The following CDC14A variants were observed in gnomAD, a reference collection of about 807,000 sequenced individuals.
The protein encoded by CDC14A is dual specificity protein phosphatase CDC14A.
In CDC14A, 53 loss-of-function variants were observed where a neutral mutation model predicts 74.4. The observed-to-expected ratio is 0.71, with a 90% CI of 0.57 to 0.89. CDC14A has a LOEUF of 0.89. Ranked by LOEUF, CDC14A falls within the 40% of genes least tolerant of loss-of-function variation. The pLI, the probability that CDC14A is intolerant of heterozygous loss-of-function variation, is 0.00. For synonymous variants in CDC14A, 247 were observed against 258.4 expected, an observed-to-expected ratio of 0.96 and a Z score of 0.43; for missense variants, 646 against 713.7, an observed-to-expected ratio of 0.91 and a Z score of 1.08.
chr1:100,462,462 C>A, intron 8 of CDC14A, 189 bp from the exon 9 acceptor site: 2 of 571,342 alleles, frequency 3.5e-6, no homozygotes, highest in Non-Finnish European at 3.1e-6. Context: ...TTCTTTTTAA[C>A]CTCCTGTGGT....
intron 6 of CDC14A, 40 bp downstream of exon 6, chr1:100,440,038 T>TA: frequency 1.4e-6 from 2 of 1,415,360 alleles, no homozygotes; most frequent in Non-Finnish European, 2.0e-6. Context: ...CACAGTAGTT[T>TA]AAAAAAATAT....
At chr1:100,390,336 T>G (rs1210341137) in intron 3 of CDC14A, among the ~76,000 whole-genome samples, 1 of 152,204 alleles carries the variant, frequency 6.6e-6, no homozygotes, top group Admixed American at 6.5e-5. Flanking sequence ...AAAAATTGTG[T>G]TATATGAAAA....
At position 100,506,745 on chromosome 1, in the gene CDC14A, C is replaced by T. The variant is rs549378512; in HGVS notation, c.1755+7483C>T. ...TTCAATGTATTAGAGTTATGAATCA[C>T]CCTGGTTGTTCAGCTTAATTTTATA... On this transcript the variant is annotated intron_variant, in intron 15 of 15. Coordinates refer to ENST00000336454, the MANE Select transcript of CDC14A (RefSeq NM_003672.4). 2.0e-5 allele frequency among the ~76,000 whole-genome samples: 3 copies of T among 152,258 alleles called. No homozygotes were observed. In the South Asian group the frequency reaches 6.2e-4, roughly 32 times the overall value.
chr1:100,466,890 A>AAG lies in CDC14A; in HGVS notation c.839-1066_839-1065insAG, dbSNP rs1553190651. On this transcript the variant is annotated intron_variant, in intron 9 of 15. Coordinates refer to ENST00000336454, the MANE Select transcript of CDC14A (RefSeq NM_003672.4). The stretch of plus-strand genomic sequence containing the variant: ...GGTCTCCAAAAAAAAAAAAAAAAAA[A>AAG]GAAGGGTTAATGGGAAGGAAATGTC... Among the ~76,000 whole-genome samples the AAG allele has an allele frequency of 4.1e-3, 608 of 149,102 alleles. 7 individuals carry two copies. Among genetic ancestry groups the AAG allele is most frequent in the African/African-American group, 0.015 (581 of 39,374 alleles).
chr1:100,502,800 G>C (rs781089356), intron 15 of CDC14A, among the ~76,000 whole-genome samples: 15 of 152,068 alleles, frequency 9.9e-5, no homozygotes, highest in Non-Finnish European at 2.2e-4. Context: ...TCCGTATTTT[G>C]TTATTTCTTT....
chr1:100,352,825 TGCCTCCCTCG>T lies in CDC14A; in HGVS notation c.-126_-117del. Reference sequence around the variant, plus strand: ...AGCCGCCTCCGCCTTCGGCGCCTGCTGCCTCCCTCGGCCAGGCTTGTTGTTCGGGACTGTG... The same window carrying T: ...AGCCGCCTCCGCCTTCGGCGCCTGCTGCCAGGCTTGTTGTTCGGGACTGTG... On this transcript the variant is annotated 5_prime_UTR_variant, in exon 1 of 16. An upstream open reading frame in the 5' UTR gains an earlier in-frame stop. Transcript: ENST00000336454. The T allele has an allele frequency of 6.7e-7, 1 of 1,494,210 alleles. No homozygotes were observed. Among genetic ancestry groups the T allele is most frequent in the South Asian group, 1.3e-5 (1 of 76,796 alleles). The allele number at this position is 1,494,210 out of a possible 1,614,324, so 92.6% of individuals were successfully genotyped here.
At chr1:100,370,681 G>A (rs1654358802) in intron 2 of CDC14A, among the ~76,000 whole-genome samples, 1 of 152,082 alleles carries the variant, frequency 6.6e-6, no homozygotes, top group African/African-American at 2.4e-5. Flanking sequence ...GTCTGTTTTT[G>A]TACCAGTACC....
intron 15 of CDC14A, among the ~76,000 whole-genome samples, chr1:100,512,180 A>T (rs1179261395): frequency 1.3e-5 from 2 of 151,996 alleles, no homozygotes; most frequent in Admixed American, 1.3e-4. Flanking sequence ...CGACTCTCCT[A>T]GGAGCGCTGA....
intron 15 of CDC14A, among the ~76,000 whole-genome samples, chr1:100,517,522 T>C (rs1181089692): frequency 1.3e-5 from 2 of 152,242 alleles, no homozygotes; most frequent in Non-Finnish European, 2.9e-5. Context: ...TGTAACTCTC[T>C]ATCTTTTCCT....
At chr1:100,363,009 C>T (rs537369297) in intron 2 of CDC14A, 2 of 152,332 alleles carry the variant, frequency 1.3e-5, no homozygotes, top group South Asian at 2.1e-4. Context: ...TATAGTCTGG[C>T]TTGAGGAAGC....
At chr1:100,356,498 C>A (rs1651898547) in intron 2 of CDC14A, among the ~76,000 whole-genome samples, 1 of 151,806 alleles carries the variant, frequency 6.6e-6, no homozygotes, top group South Asian at 2.1e-4. Context: ...ATATCCTTCT[C>A]AAAAAATTAA....
chr1:100,493,184 A>T, intron 11 of CDC14A, among the ~76,000 whole-genome samples: 1 of 152,206 alleles, frequency 6.6e-6, no homozygotes, highest in East Asian at 1.9e-4. Context: ...TCCTAGTTGG[A>T]GGAACAAATA....
chr1:100,363,681 G>C (rs2100904704), intron 2 of CDC14A, among the ~76,000 whole-genome samples: 1 of 150,152 alleles, frequency 6.7e-6, no homozygotes, highest in South Asian at 2.1e-4. Context: ...TTCAAATTTG[G>C]TCCCCATGAT....
intron 3 of CDC14A, among the ~76,000 whole-genome samples, chr1:100,386,399 A>G (rs776271066): frequency 1.3e-5 from 2 of 152,178 alleles, no homozygotes; most frequent in African/African-American, 2.4e-5. Context: ...TATGGCATAC[A>G]GTGTTTTTGT....
intron 3 of CDC14A, among the ~76,000 whole-genome samples, chr1:100,387,815 C>A (rs904798203): frequency 4.6e-5 from 7 of 151,788 alleles, no homozygotes; most frequent in African/African-American, 1.5e-4. Context: ...CTTTAGAATG[C>A]GAGAGAGAAA....
chr1:100,455,373 T>G, intron 7 of CDC14A, 32 bp from the exon 8 acceptor site: 1 of 1,384,008 alleles, frequency 7.2e-7, no homozygotes, highest in Non-Finnish European at 1.0e-6. Flanking sequence ...TATAAAATAT[T>G]TTTCTTCTCT....
chr1:100,489,425 A>G (rs981346560), intron 11 of CDC14A, among the ~76,000 whole-genome samples: 2 of 152,110 alleles, frequency 1.3e-5, no homozygotes, highest in Admixed American at 6.5e-5. Flanking sequence ...AGCCTTTCCT[A>G]TAGCTTACTG....
intron 11 of CDC14A, among the ~76,000 whole-genome samples, chr1:100,491,922 C>T (rs1013468976): frequency 1.3e-5 from 2 of 150,440 alleles, no homozygotes; most frequent in Non-Finnish European, 3.0e-5. Flanking sequence ...TCGTCACCAC[C>T]GCAGCCACCC....
chr1:100,379,318 T>C (rs1189882104), intron 3 of CDC14A, among the ~76,000 whole-genome samples: 2 of 152,218 alleles, frequency 1.3e-5, no homozygotes, highest in Non-Finnish European at 2.9e-5. Flanking sequence ...GTTTCGACAT[T>C]ATTAATAAAG....
Sources: allele counts gnomAD v4.1 joint callset (sites outside exome capture counted in the v4.1 genomes callset), GRCh38; gene constraint gnomAD v4.1.1; transcripts MANE v1.5; gene names NCBI Gene and HGNC (gene_info 2026-07-23, HGNC 2026-07-21).